Variants in KATNIP observed in about 807,000 individuals in gnomAD.
KATNIP encodes the protein katanin interacting protein.
KATNIP carries 126 observed loss-of-function variants against 174.0 expected under a neutral mutation model. The ratio of observed to expected loss-of-function variants is 0.72; its 90% CI spans 0.63 to 0.84. KATNIP has a LOEUF of 0.84. KATNIP is among the 40% of genes least tolerant of loss of function. The pLI is 0.00. For missense variants in KATNIP, 1,958 were observed against 2,109.7 expected (o/e 0.93, Z 1.41); for synonymous variants, 810 against 835.7 (o/e 0.97, Z 0.53).
At chr16:27,725,468 G>A (rs1279106255) in intron 14 of KATNIP, among the ~76,000 whole-genome samples, 1 of 152,204 alleles carries the variant, frequency 6.6e-6, no homozygotes, top group Non-Finnish European at 1.5e-5. Context: ...GTGGGCTCAG[G>A]AGGATGTGAT....
chr16:27,720,190 A>C lies in KATNIP; in HGVS notation c.1606-1368A>C, dbSNP rs186586724. Among the ~76,000 whole-genome samples, 395 of 152,216 alleles carry C rather than the reference A, an allele frequency of 2.6e-3. 4 individuals carry two copies. Among genetic ancestry groups the C allele is most frequent in the African/African-American group, 8.8e-3 (365 of 41,540 alleles). ...ACTGCAACATCCACCTCACGAGTTCAAGCTATTCTCCTGCCTCCGCCTCCT... is the reference window on the plus strand; with the variant it reads ...ACTGCAACATCCACCTCACGAGTTCCAGCTATTCTCCTGCCTCCGCCTCCT... On this transcript the variant is annotated intron_variant, in intron 13 of 27. Coordinates refer to ENST00000261588, the MANE Select transcript of KATNIP (RefSeq NM_015202.5).
At chr16:27,664,839 C>T (rs1265861787) in intron 6 of KATNIP, among the ~76,000 whole-genome samples, 4 of 152,090 alleles carry the variant, frequency 2.6e-5, no homozygotes, top group South Asian at 2.1e-4. Flanking sequence ...ATTTCAGGGC[C>T]GTAAAAACTT....
intron 2 of KATNIP, among the ~76,000 whole-genome samples, chr16:27,589,246 G>T (rs2075096236): frequency 6.6e-6 from 1 of 152,018 alleles, no homozygotes. Flanking sequence ...AGTAGCTTTG[G>T]CCACAAATAG....
intron 2 of KATNIP, among the ~76,000 whole-genome samples, chr16:27,600,251 A>T (rs920864314): frequency 6.6e-6 from 1 of 152,164 alleles, no homozygotes; most frequent in Non-Finnish European, 1.5e-5. Flanking sequence ...CGGGGAGGGG[A>T]CCAGGGTCAG....
chr16:27,757,900 G>A (rs1237800132), intron 18 of KATNIP, among the ~76,000 whole-genome samples: 3 of 152,194 alleles, frequency 2.0e-5, no homozygotes, highest in East Asian at 1.9e-4. Flanking sequence ...ATTTGCAGAT[G>A]ACACTAATTT....
intron 2 of KATNIP, among the ~76,000 whole-genome samples, chr16:27,615,157 C>G (rs951221101): frequency 2.6e-5 from 4 of 152,220 alleles, no homozygotes; most frequent in Admixed American, 2.6e-4. Context: ...GAGACAGGGT[C>G]TCACTCTGTT....
At position 27,777,834 on chromosome 16, in the gene KATNIP, C is replaced by T; in HGVS notation, c.4713-47C>T. The stretch of plus-strand genomic sequence containing the variant: ...CTAAGGAGGATGGATGGCTGGGACA[C>T]ACGGCCAGGAGCCTGATCGAATCTT... On this transcript the variant is annotated intron_variant, in intron 26 of 27. Transcript: ENST00000261588. This position sits in a 1 kb window ranked among gnomAD's most constrained non-coding sequence, Gnocchi z 4.4. 6.2e-7 allele frequency: 1 copy of T among 1,613,178 alleles called. No homozygotes were observed. Among genetic ancestry groups the T allele is most frequent in the Non-Finnish European group, 8.5e-7 (1 of 1,179,164 alleles).
At chr16:27,661,356 G>A (rs928443311) in intron 6 of KATNIP, among the ~76,000 whole-genome samples, 2 of 151,982 alleles carry the variant, frequency 1.3e-5, no homozygotes, top group African/African-American at 4.8e-5. Context: ...GGCTTTTTAG[G>A]TTTAAGAGAA....
chr16:27,630,461 TG>T (rs2076451380), intron 4 of KATNIP, among the ~76,000 whole-genome samples: 1 of 152,120 alleles, frequency 6.6e-6, no homozygotes, highest in African/African-American at 2.4e-5. Context: ...ATTCCTGAAA[TG>T]GTTTCCTAGG....
chr16:27,633,663 A>C (rs1343727365), intron 5 of KATNIP, among the ~76,000 whole-genome samples: 1 of 152,124 alleles, frequency 6.6e-6, no homozygotes. Context: ...ACTGTACTAA[A>C]TGTATGGGTC....
chr16:27,738,773 G>C (rs977765404), intron 14 of KATNIP, among the ~76,000 whole-genome samples: 10 of 152,150 alleles, frequency 6.6e-5, no homozygotes, highest in African/African-American at 2.4e-4. Flanking sequence ...CATCCTCCTG[G>C]CTCCCTTCCA....
chr16:27,699,511 A>G lies in KATNIP; in HGVS notation c.1114-23A>G, dbSNP rs770328445. 12 of 1,613,756 alleles carry G rather than the reference A, an allele frequency of 7.4e-6. No homozygotes were observed. In the Admixed American group the frequency reaches 1.5e-4, roughly 20 times the overall value. ...GTGAATGGCTTTGTTCCAACATCAC[A>G]TCATGTGATCACATCCTTCCAGGAT... On this transcript the variant is annotated intron_variant, in intron 9 of 27. Coordinates refer to ENST00000261588, the MANE Select transcript of KATNIP (RefSeq NM_015202.5).
chr16:27,581,683 C>G (rs1365416667), intron 2 of KATNIP, among the ~76,000 whole-genome samples: 1 of 152,038 alleles, frequency 6.6e-6, no homozygotes, highest in Admixed American at 6.6e-5. Flanking sequence ...TATTGATGCA[C>G]CCATCACCCA....
chr16:27,560,283 GAAAAAAA>G (rs765910684), intron 1 of KATNIP, among the ~76,000 whole-genome samples: 121 of 44,986 alleles, frequency 2.7e-3, no homozygotes, highest in African/African-American at 6.1e-3. Flanking sequence ...CTCTGTCTCA[GAAAAAAA>G]AAAAAAAAAA....
intron 2 of KATNIP, among the ~76,000 whole-genome samples, chr16:27,617,052 A>G (rs937731122): frequency 3.9e-5 from 6 of 152,140 alleles, no homozygotes; most frequent in Admixed American, 1.3e-4. Flanking sequence ...GTACATGCAT[A>G]TATCACTTTA....
chr16:27,550,999 C>T (rs1254120208), intron 1 of KATNIP, among the ~76,000 whole-genome samples: 3 of 152,312 alleles, frequency 2.0e-5, no homozygotes, highest in East Asian at 3.8e-4. Flanking sequence ...AAGCTGCTCA[C>T]CAAGCACCAG....
Position 27,681,504 on chromosome 16 carries a change from T to C in KATNIP, c.914T>C (p.Phe305Ser). The C allele has an allele frequency of 6.2e-7, 1 of 1,614,174 alleles. No individual in the cohort carries two copies. The highest frequency in any genetic ancestry group is 1.3e-5 in the African/African-American group (1 of 75,032). Reference protein sequence around the residue: ...PNLTPQAPAVFPDQERMCSRP... With the variant: ...PNLTPQAPAVSPDQERMCSRP... Reference sequence around the variant, plus strand: ...CTGACTCCCCAAGCTCCTGCTGTATTCCCAGACCAGGAGAGGATGTGCTCC... The same window carrying C: ...CTGACTCCCCAAGCTCCTGCTGTATCCCCAGACCAGGAGAGGATGTGCTCC... Residue 305 changes from phenylalanine (F) to serine (S), a missense_variant, in exon 8 of 28, where the codon TTC becomes TCC. This residue lies in a region of KATNIP where 1,557 missense variants were observed against 1,617.8 expected (regional missense o/e 0.96). Transcript: ENST00000261588.
At position 27,749,851 on chromosome 16, in the gene KATNIP, G is replaced by T; in HGVS notation, c.2891G>T (p.Gly964Val). The T allele has an allele frequency of 6.2e-7, 1 of 1,614,178 alleles. No individual in the cohort carries two copies. The highest frequency in any genetic ancestry group is 8.5e-7 in the Non-Finnish European group (1 of 1,180,020). ...DGYSGETDAG[G>V]DFKIPVLPYG... Reference sequence around the variant, plus strand: ...TACTCTGGAGAGACAGACGCTGGGGGTGACTTTAAAATCCCCGTCTTGCCT... The same window carrying T: ...TACTCTGGAGAGACAGACGCTGGGGTTGACTTTAAAATCCCCGTCTTGCCT... The change falls in exon 16 of 28, where the codon GGT becomes GTT. Residue 964 changes from glycine (G) to valine (V), a missense_variant. By Grantham distance (109) the Gly-to-Val change is moderately radical. Transcript: ENST00000261588.
At chr16:27,686,614 T>C (rs2078535392) in intron 8 of KATNIP, among the ~76,000 whole-genome samples, 1 of 152,218 alleles carries the variant, frequency 6.6e-6, no homozygotes, top group Non-Finnish European at 1.5e-5. Context: ...ACATCTACTA[T>C]CTTATTGTTT....
Sources: gnomAD v4.1 joint callset for allele counts (sites outside exome capture counted in the v4.1 genomes callset) on GRCh38, gnomAD v4.1.1 for gene constraint, gnomAD v4.1.1 regional missense constraint, Gnocchi (gnomAD v3.1) non-coding constraint, MANE v1.5 for transcripts, NCBI Gene and HGNC (gene_info 2026-07-23, HGNC 2026-07-21) for gene names.